LAMA5: variants seen among roughly 807,000 people sequenced by gnomAD.
LAMA5 encodes laminin subunit alpha-5.
Under a neutral mutation model 433.4 loss-of-function variants are expected in LAMA5, and 260 were observed. That is an observed-to-expected ratio of 0.60 (90% confidence interval 0.54 to 0.66). LAMA5 has a LOEUF of 0.66. Ranked by LOEUF, LAMA5 falls within the 30% of genes least tolerant of loss-of-function variation. The pLI, the probability that LAMA5 is intolerant of heterozygous loss-of-function variation, is 0.00. For synonymous variants in LAMA5, 2,620 were observed against 2,226.6 expected (o/e 1.18, Z -4.97); for missense variants, 5,378 against 5,258.5 (o/e 1.02, Z -0.70).
Position 62,351,918 on chromosome 20 carries a change from G to A in LAMA5, c.849C>T (p.Val283=). The A allele has an allele frequency of 1.2e-6, 2 of 1,605,004 alleles. No individual in the cohort carries two copies. The highest frequency in any genetic ancestry group is 1.7e-6 in the Non-Finnish European group (2 of 1,176,810). Residue 283 remains valine, a synonymous_variant, in exon 5 of 80, where the codon GTC becomes GTT. Transcript: ENST00000252999. ...GCCATGGGCAGCTCACCCGGCGGGT[G>A]ACCGTGGGGTCCCGCAGCGCCTTCC... ...LMGKALRDPT[V]TRRYYYSIKD...
Position 62,337,892 on chromosome 20 carries a change from C to T in LAMA5, c.1938G>A (p.Ala646=), listed in dbSNP as rs766890003. The T allele has an allele frequency of 1.3e-5, 21 of 1,612,072 alleles. No homozygotes were observed. The highest frequency in any genetic ancestry group is 6.6e-5 in the South Asian group (6 of 91,050). ...CGGGGCGGCAGCGGCACAAACCTCC[C>T]GCCCCACAGAGCTGGTCCAGGGCTC... ...PRGALDQLCG[A]GGLCRCRPGY... is the part of the protein sequence containing the mutation. Residue 646 remains alanine, a synonymous_variant, in exon 15 of 80, where the codon GCG becomes GCA. Coordinates refer to ENST00000252999, the MANE Select transcript of LAMA5 (RefSeq NM_005560.6).
chr20:62,318,736 A>T (rs146542029), intron 52 of LAMA5, 86 bp from the exon 53 acceptor site: 1 of 1,573,172 alleles, frequency 6.4e-7, no homozygotes, highest in Non-Finnish European at 8.6e-7. Context: ...CGCCAGATCC[A>T]TCTGCCCCGT....
rs566260450 is a variant in LAMA5, at chr20:62,333,380, G to A, written c.3123C>T (p.Gly1041=). 3.3e-5 allele frequency: 54 copies of A among 1,612,232 alleles called. No homozygotes were observed. Among genetic ancestry groups the A allele is most frequent in the Admixed American group, 5.0e-5 (3 of 60,006 alleles). ...CTYRPSAQQS[G]DNCLLYTHLP... is the part of the protein sequence containing the mutation. ...ACCGCACGCATGGCCCTCACTTGTC[G>A]CCAGACTGCTGGGCAGAGGGACGGT... The change falls in exon 25 of 80, where the codon GGC becomes GGT. Residue 1041 remains glycine, a synonymous_variant. Transcript: ENST00000252999.
chr20:62,335,329 C>A, intron 18 of LAMA5, 60 bp from the exon 19 acceptor site: 1 of 1,563,900 alleles, frequency 6.4e-7, no homozygotes, highest in South Asian at 1.1e-5. Context: ...GGCTCCAGCC[C>A]CCCGAGGAAC....
At chr20:62,328,158 G>T in intron 35 of LAMA5, 83 bp downstream of exon 35, 1 of 1,510,378 alleles carries the variant, frequency 6.6e-7, no homozygotes, top group Non-Finnish European at 8.9e-7. Context: ...TGGGAGCAGG[G>T]TGGGTGCCAG....
intron 45 of LAMA5, 140 bp downstream of exon 45, chr20:62,323,316 A>C: frequency 2.7e-6 from 2 of 727,876 alleles, no homozygotes; most frequent in Non-Finnish European, 4.4e-6. Flanking sequence ...GTTGACCATG[A>C]ACCCAGAAGG....
In LAMA5 at chr20:62,322,088, C is replaced by T. The variant is rs199617752; in HGVS notation, c.6427G>A (p.Asp2143Asn). 6.7e-5 allele frequency: 107 copies of T among 1,601,472 alleles called. No homozygotes were observed. Among genetic ancestry groups the T allele is most frequent in the Non-Finnish European group, 7.0e-5 (83 of 1,179,342 alleles). ...CPPGLSGERC[D>N]TCSQQHQVPV... ...ACCTGATGCTGCTGGCTGCAGGTGT[C>T]GCAGCGCTCCCCGCTGAGCCCCGGG... The change falls in exon 48 of 80, where the codon GAC becomes AAC. Residue 2143 changes from aspartate to asparagine, a missense_variant. Coordinates refer to ENST00000252999, the MANE Select transcript of LAMA5 (RefSeq NM_005560.6).
chr20:62,312,090 C>T (rs747797844), intron 69 of LAMA5, 40 bp from the exon 70 acceptor site: 4 of 1,609,236 alleles, frequency 2.5e-6, no homozygotes, highest in Non-Finnish European at 3.4e-6. Flanking sequence ...GCCTGGGGAC[C>T]CAGACTCATT....
chr20:62,332,799 G>A, intron 26 of LAMA5, 82 bp from the exon 27 acceptor site: 2 of 1,522,088 alleles, frequency 1.3e-6, no homozygotes, highest in Non-Finnish European at 1.8e-6. Flanking sequence ...GCGCCTCCCT[G>A]ACCCCAGGGC....
At position 62,322,037 on chromosome 20, in the gene LAMA5, G is replaced by A. The variant is rs778219432; in HGVS notation, c.6478C>T (p.His2160Tyr). ...QVPVPGGPVG[H>Y]SIHCEVCDHC... ...GACACACCTTCACAGTGGATGCTGT[G>A]GCCCACAGGCCCGCCTGGAACAGGC... Residue 2160 changes from histidine to tyrosine, a missense_variant, in exon 48 of 80, where the codon CAC (histidine) becomes TAC (tyrosine). Physicochemically the swap from His to Tyr is moderately conservative, Grantham distance 83. Coordinates refer to ENST00000252999, the MANE Select transcript of LAMA5 (RefSeq NM_005560.6). 16 of 1,598,980 alleles carry A rather than the reference G, an allele frequency of 1.0e-5. No homozygotes were observed. Among genetic ancestry groups the A allele is most frequent in the Middle Eastern group, 1.7e-4 (1 of 6,052 alleles).
rs776963357 is a variant in LAMA5, at chr20:62,346,743, C to A, written c.1130G>T (p.Arg377Leu). ...DCYYDPEVDR[R>L]RASQSLDGTY... ...GCCATCCAGGCTCTGGCTGGCGCGGCGCCGGTCCACCTCAGGGTCGTAGTA... is the reference window on the plus strand; with the variant it reads ...GCCATCCAGGCTCTGGCTGGCGCGGAGCCGGTCCACCTCAGGGTCGTAGTA... Residue 377 changes from arginine (R) to leucine (L), a missense_variant, in exon 8 of 80, where the codon CGC (arginine) becomes CTC (leucine). Arg to Leu is a moderately radical substitution (Grantham distance 102, BLOSUM62 -2). Coordinates refer to ENST00000252999, the MANE Select transcript of LAMA5 (RefSeq NM_005560.6). 6.2e-7 allele frequency: 1 copy of A among 1,612,984 alleles called. No homozygotes were observed. The highest frequency in any genetic ancestry group is 8.5e-7 in the Non-Finnish European group (1 of 1,179,900).
chr20:62,340,305 G>GTTTTTTTTTTT (rs34415039), intron 11 of LAMA5, among the ~76,000 whole-genome samples: 2 of 99,462 alleles, frequency 2.0e-5, no homozygotes, highest in Non-Finnish European at 3.7e-5. Flanking sequence ...AGCCTCCTTT[G>GTTTTTTTTTTT]TTTTTTTTTT....
In LAMA5 at chr20:62,318,443, G is replaced by A. The variant is rs114495910; in HGVS notation, c.7239+11C>T. The A allele has an allele frequency of 2.3e-3, 3,647 of 1,585,276 alleles. 88 individuals are homozygous for A. The African/African-American group carries it at 0.042, about 18-fold the overall frequency. On this transcript the variant is annotated intron_variant, in intron 53 of 79. Transcript: ENST00000252999. ...GAGGAGCAGGAGGAAGAACAAGTCC[G>A]GGGTCCTCACCAGGGCTTCCTCCAG... is the stretch of plus-strand genomic sequence containing the variant.
chr20:62,321,632 GA>G (rs2146116347), intron 48 of LAMA5, among the ~76,000 whole-genome samples: 4 of 118,120 alleles, frequency 3.4e-5, no homozygotes, highest in Admixed American at 8.3e-5. Context: ...GCCAGCGGAG[GA>G]GGTGCAGCCA....
In LAMA5 at chr20:62,331,123, C is replaced by A; in HGVS notation, c.3559G>T (p.Val1187Phe). 1 of 1,577,196 alleles carries A rather than the reference C, an allele frequency of 6.3e-7. No individual in the cohort carries two copies. The highest frequency in any genetic ancestry group is 1.8e-5 in the Admixed American group (1 of 54,876). ...AACTCCTCAATGGGCACCAGAGTGACCCCGTGCTGCAGGCAGAGGGACGAG... is the reference window on the plus strand; with the variant it reads ...AACTCCTCAATGGGCACCAGAGTGAACCCGTGCTGCAGGCAGAGGGACGAG... ...AEQARFFLHG[V>F]TLVPIEEFSP... The change falls in exon 29 of 80, where the codon GTC becomes TTC. Residue 1187 changes from valine to phenylalanine, a missense_variant. By Grantham distance (50) the Val-to-Phe change is conservative (BLOSUM62 -1). Transcript: ENST00000252999.
chr20:62,352,811 C>T (rs1984562107), intron 3 of LAMA5, among the ~76,000 whole-genome samples: 1 of 152,134 alleles, frequency 6.6e-6, no homozygotes, highest in South Asian at 2.1e-4. Context: ...GGTGGCTAGG[C>T]TGGCAGGAGG....
At position 62,332,700 on chromosome 20, in the gene LAMA5, T is replaced by A; in HGVS notation, c.3300A>T (p.Gln1100His). 1 of 1,610,760 alleles carries A rather than the reference T, an allele frequency of 6.2e-7. No homozygotes were observed. The highest frequency in any genetic ancestry group is 8.5e-7 in the Non-Finnish European group (1 of 1,179,112). The part of the protein sequence containing the change: ...CTGSDVDVQL[Q>H]VAVPQPGRYA... ...AGCGGCCTGGCTGTGGCACTGCCAC[T>A]TGAAGCTGGACGTCCACCTGCAGGG... The change falls in exon 27 of 80, where the codon CAA becomes CAT. Residue 1100 changes from glutamine (Q) to histidine (H), a missense_variant. Gln to His is a conservative substitution (Grantham distance 24). Transcript: ENST00000252999.
At position 62,326,570 on chromosome 20, in the gene LAMA5, G is replaced by C. The variant is rs11698103; in HGVS notation, c.5298+107C>G. 202,073 of 910,012 alleles carry C rather than the reference G, an allele frequency of 0.22. 23,842 individuals are homozygous for C. Among genetic ancestry groups the C allele is most frequent in the Non-Finnish European group, 0.25 (146,119 of 590,140 alleles). 56.4% of individuals were successfully genotyped at this position (910,012 alleles called of 1,614,324 possible). A position where few individuals can be genotyped will look rare whatever the true frequency, so the allele number is the denominator to read the frequency against. Reference sequence around the variant, plus strand: ...CCCACCCCGCTTCTGCTCCTGGGCTGTTTTCCACCACGGAGAATGGGCACA... The same window carrying C: ...CCCACCCCGCTTCTGCTCCTGGGCTCTTTTCCACCACGGAGAATGGGCACA... On this transcript the variant is annotated intron_variant, in intron 40 of 79. Coordinates refer to ENST00000252999, the MANE Select transcript of LAMA5 (RefSeq NM_005560.6).
intron 35 of LAMA5, 50 bp from the exon 36 acceptor site, chr20:62,328,060 C>A (rs1349387679): frequency 1.9e-6 from 3 of 1,605,904 alleles, no homozygotes; most frequent in Non-Finnish European, 2.5e-6. Context: ...TCACTCACAC[C>A]AAAGTGAGAC....
Sources: gnomAD v4.1 joint callset for allele counts (sites outside exome capture counted in the v4.1 genomes callset) on GRCh38, gnomAD v4.1.1 for gene constraint, MANE v1.5 for transcripts, NCBI Gene and HGNC (gene_info 2026-07-23, HGNC 2026-07-21) for gene names.